The following RBP2 variants were observed in gnomAD, a reference collection of about 807,000 sequenced individuals.
The protein encoded by RBP2 is retinol-binding protein 2.
A neutral mutation model predicts 17.0 loss-of-function variants in RBP2; 17 were observed. That is an observed-to-expected ratio of 1.00 (90% confidence interval 0.68 to 1.50). RBP2 has a LOEUF of 1.50. Ranked by LOEUF, RBP2 falls within the 40% of genes most tolerant of loss-of-function variation. The pLI, the probability that RBP2 is intolerant of heterozygous loss-of-function variation, is 0.00. For missense variants in RBP2, 158 were observed against 168.2 expected (o/e 0.94, Z 0.33); for synonymous variants, 48 against 57.1 (o/e 0.84, Z 0.72).
In RBP2 at chr3:139,462,512, G is replaced by A. The variant is rs557501126; in HGVS notation, c.74-222C>T. On this transcript the variant is annotated intron_variant, in intron 1 of 3. Coordinates refer to ENST00000232217, the MANE Select transcript of RBP2 (RefSeq NM_004164.3). ...GGCACCTCCTCAGGATCCCTGATGGGAGGGAGATGTAGCACGCAAGCCTCA... is the reference window on the plus strand; with the variant it reads ...GGCACCTCCTCAGGATCCCTGATGGAAGGGAGATGTAGCACGCAAGCCTCA... Among the ~76,000 whole-genome samples, 3 of 145,202 alleles carry A rather than the reference G, an allele frequency of 2.1e-5. No individual in the cohort carries two copies. The South Asian group carries it at 6.5e-4, about 31-fold the overall frequency.
chr3:139,455,528 T>C (rs1943380407), intron 2 of RBP2, among the ~76,000 whole-genome samples: 2 of 152,164 alleles, frequency 1.3e-5, no homozygotes, highest in South Asian at 2.1e-4. Flanking sequence ...GGGATATAAA[T>C]TGGTATAAAT....
chr3:139,463,471 C>G (rs984670144), intron 1 of RBP2, among the ~76,000 whole-genome samples: 2 of 152,202 alleles, frequency 1.3e-5, no homozygotes, highest in African/African-American at 4.8e-5. Flanking sequence ...CAGGCATGAG[C>G]CACTGTGCCC....
intron 2 of RBP2, among the ~76,000 whole-genome samples, chr3:139,459,621 C>CT (rs1268149748): frequency 2.0e-5 from 3 of 149,134 alleles, no homozygotes; most frequent in Non-Finnish European, 4.5e-5. Context: ...GAAACTCTGT[C>CT]TCAAAAAAAA....
Position 139,454,838 on chromosome 3 carries a change from GAC to G in RBP2, c.253-10_253-9del. ...TTCCCAGGTGACCAGTGCCTGTAAA[GAC>G]AGATTCCCAGGCAAATCAAACACAT... is the stretch of plus-strand genomic sequence containing the variant. On this transcript the variant is annotated splice_polypyrimidine_tract_variant and intron_variant, in intron 2 of 3. Coordinates refer to ENST00000232217, the MANE Select transcript of RBP2 (RefSeq NM_004164.3). 6.2e-7 allele frequency: 1 copy of G among 1,612,772 alleles called. No homozygotes were observed.
chr3:139,468,998 T>C (rs543973933), intron 1 of RBP2, among the ~76,000 whole-genome samples: 2 of 152,328 alleles, frequency 1.3e-5, no homozygotes, highest in East Asian at 1.9e-4. Context: ...AGGTGAAATA[T>C]GAGTATGCTA....
At chr3:139,474,919 C>G (rs1933683011) in intron 1 of RBP2, among the ~76,000 whole-genome samples, 1 of 152,078 alleles carries the variant, frequency 6.6e-6, no homozygotes. Flanking sequence ...GGATGGGGCT[C>G]TGGTAGGAGG....
At chr3:139,469,735 A>AT (rs1169570810) in intron 1 of RBP2, among the ~76,000 whole-genome samples, 9 of 151,398 alleles carry the variant, frequency 5.9e-5, no homozygotes, top group East Asian at 5.8e-4. Flanking sequence ...CTATCTATCT[A>AT]CCTACTCATT....
chr3:139,465,115 T>C (rs1296603807), intron 1 of RBP2, among the ~76,000 whole-genome samples: 1 of 152,122 alleles, frequency 6.6e-6, no homozygotes, highest in East Asian at 1.9e-4. Context: ...GATAGATGTG[T>C]AGAGAGATTG....
intron 1 of RBP2, among the ~76,000 whole-genome samples, chr3:139,469,760 C>CT (rs1364316645): frequency 6.6e-6 from 1 of 151,796 alleles, no homozygotes; most frequent in Non-Finnish European, 1.5e-5. Flanking sequence ...CCCAGGGACT[C>CT]TGAGTGATTC....
Position 139,455,325 on chromosome 3 carries a change from G to A in RBP2, c.253-495C>T, listed in dbSNP as rs183742862. Among the ~76,000 whole-genome samples, 38 of 152,208 alleles carry A rather than the reference G, an allele frequency of 2.5e-4. No individual in the cohort carries two copies. In the East Asian group the frequency reaches 7.3e-3, roughly 29 times the overall value. On this transcript the variant is annotated intron_variant, in intron 2 of 3. Coordinates refer to ENST00000232217, the MANE Select transcript of RBP2 (RefSeq NM_004164.3). ...AGAACATGAACCAACAGCTTACAAG[G>A]GGGAGAGAGCCCTAGCAGATGGCTT...
Position 139,462,096 on chromosome 3 carries a change from C to G in RBP2, c.252+16G>C. The G allele has an allele frequency of 1.2e-6, 2 of 1,606,618 alleles. No homozygotes were observed. The highest frequency in any genetic ancestry group is 1.7e-6 in the Non-Finnish European group (2 of 1,174,370). On this transcript the variant is annotated intron_variant, in intron 2 of 3. Transcript: ENST00000232217. ...CACAGAATGTGTGAATGAAAAACAC[C>G]AGCCCCGGTCAGTACCTTAACATGC...
intron 2 of RBP2, 82 bp from the exon 3 acceptor site, chr3:139,454,912 C>T: frequency 7.4e-7 from 1 of 1,345,226 alleles, no homozygotes; most frequent in Non-Finnish European, 1.1e-6. Context: ...GCAATTCCTG[C>T]AGCCATTTCA....
In RBP2 at chr3:139,475,326, A is replaced by T. The variant is rs1299838420; in HGVS notation, c.73+1061T>A. On this transcript the variant is annotated intron_variant, in intron 1 of 3. Coordinates refer to ENST00000232217, the MANE Select transcript of RBP2 (RefSeq NM_004164.3). The stretch of plus-strand genomic sequence containing the variant: ...AGAGCGAGACTCTGTCCCCAAAATA[A>T]AAAAAAAAAAAAAAAAAAAAAAGAA... 3.5e-4 allele frequency among the ~76,000 whole-genome samples: 23 copies of T among 65,426 alleles called. No homozygotes were observed. In the African/African-American group the frequency reaches 4.1e-3, roughly 12 times the overall value. The allele number at this position is 65,426 out of a possible 152,430, so 42.9% of individuals were successfully genotyped here.
intron 1 of RBP2, among the ~76,000 whole-genome samples, chr3:139,470,363 C>G (rs990562767): frequency 6.6e-6 from 1 of 152,068 alleles, no homozygotes; most frequent in African/African-American, 2.4e-5. Context: ...AATCTGTCCT[C>G]TTTTCTCCAG....
chr3:139,458,609 C>T (rs1376561306), intron 2 of RBP2, among the ~76,000 whole-genome samples: 1 of 152,204 alleles, frequency 6.6e-6, no homozygotes, highest in Non-Finnish European at 1.5e-5. Flanking sequence ...TATGTACTAG[C>T]AATCACCATT....
At chr3:139,464,807 G>A (rs1933304860) in intron 1 of RBP2, among the ~76,000 whole-genome samples, 1 of 152,046 alleles carries the variant, frequency 6.6e-6, no homozygotes, top group Admixed American at 6.5e-5. Flanking sequence ...AGGAACCAGT[G>A]GGTCCCAAAG....
intron 1 of RBP2, among the ~76,000 whole-genome samples, chr3:139,472,426 C>T (rs1476289334): frequency 6.6e-6 from 1 of 152,240 alleles, no homozygotes; most frequent in Non-Finnish European, 1.5e-5. Flanking sequence ...TGTACCACTT[C>T]AACCAATAGA....
chr3:139,471,222 A>G (rs1376695708), intron 1 of RBP2, among the ~76,000 whole-genome samples: 1 of 152,256 alleles, frequency 6.6e-6, no homozygotes, highest in African/African-American at 2.4e-5. Context: ...AACTGAATGC[A>G]CTAAAATGAA....
intron 1 of RBP2, among the ~76,000 whole-genome samples, chr3:139,470,563 A>T (rs1308840644): frequency 6.6e-6 from 1 of 151,864 alleles, no homozygotes; most frequent in African/African-American, 2.4e-5. Context: ...TAAGGCTGGT[A>T]TCTGCTTTGC....
Sources: allele counts gnomAD v4.1 joint callset (sites outside exome capture counted in the v4.1 genomes callset), GRCh38; gene constraint gnomAD v4.1.1; transcripts MANE v1.5; gene names NCBI Gene and HGNC (gene_info 2026-07-23, HGNC 2026-07-21).